Variants in CNBD1 observed in about 807,000 individuals in gnomAD.
CNBD1 encodes cyclic nucleotide binding domain containing 1, also known as cyclic nucleotide-binding domain-containing protein 1.
A neutral mutation model predicts 54.4 loss-of-function variants in CNBD1; 71 were observed. That is an observed-to-expected ratio of 1.30 (90% CI 1.08 to 1.59). The LOEUF (loss-of-function observed/expected upper bound fraction) is 1.59, where lower values mean the gene tolerates loss of function less well. Among genes scored for constraint, CNBD1 ranks in the 40% most tolerant of loss-of-function variants. The pLI is 0.00. For synonymous variants in CNBD1, 182 were observed against 170.7 expected (o/e 1.07, Z -0.51); for missense variants, 659 against 518.0 (o/e 1.27, Z -2.64).
intron 10 of CNBD1, among the ~76,000 whole-genome samples, chr8:87,360,640 A>G (rs550147449): frequency 1.3e-5 from 2 of 152,078 alleles, no homozygotes; most frequent in South Asian, 2.1e-4. Context: ...GAACAAGTGT[A>G]CTACTTTTGT....
At chr8:87,311,104 C>T (rs1294161839) in intron 8 of CNBD1, among the ~76,000 whole-genome samples, 3 of 151,782 alleles carry the variant, frequency 2.0e-5, no homozygotes, top group Non-Finnish European at 2.9e-5. Context: ...ACAAGTGGGA[C>T]CTAAATTAAA....
At chr8:87,196,079 TAATC>T (rs2130789845) in intron 4 of CNBD1, among the ~76,000 whole-genome samples, 1 of 152,294 alleles carries the variant, frequency 6.6e-6, no homozygotes, top group African/African-American at 2.4e-5. Context: ...CCACAGGACA[TAATC>T]AATCCTTTTG....
chr8:86,920,761 A>G (rs944864985), intron 3 of CNBD1, among the ~76,000 whole-genome samples: 4 of 152,210 alleles, frequency 2.6e-5, no homozygotes, highest in African/African-American at 9.6e-5. Flanking sequence ...TAAAGAGGCT[A>G]GGACATCCCA....
intron 4 of CNBD1, among the ~76,000 whole-genome samples, chr8:87,092,495 GTATA>G (rs528084126): frequency 1.4e-5 from 2 of 146,428 alleles, no homozygotes; most frequent in South Asian, 2.2e-4. Context: ...ATGTGTGTGT[GTATA>G]TATATGTGTG....
Position 86,889,737 on chromosome 8 carries a change from A to C in CNBD1, c.158+2126A>C, listed in dbSNP as rs182100585. On this transcript the variant is annotated intron_variant, in intron 2 of 10. Transcript: ENST00000518476. ...CAAATTTTTCATCCTAGTAGACTAC[A>C]AGCTCCATGAAGGCAGATTTATTTT... is the stretch of plus-strand genomic sequence containing the variant. 1.4e-3 allele frequency among the ~76,000 whole-genome samples: 207 copies of C among 152,236 alleles called. 1 individual carries two copies. The highest frequency in any genetic ancestry group is 2.4e-4 in the Non-Finnish European group (16 of 67,970).
intron 4 of CNBD1, among the ~76,000 whole-genome samples, chr8:87,063,876 T>C (rs1196783184): frequency 6.6e-6 from 1 of 152,006 alleles, no homozygotes; most frequent in Non-Finnish European, 1.5e-5. Flanking sequence ...ATAAATGATA[T>C]ATTTAAAAAT....
chr8:87,042,077 G>T (rs1810083759), intron 4 of CNBD1, among the ~76,000 whole-genome samples: 4 of 152,158 alleles, frequency 2.6e-5, no homozygotes, highest in Admixed American at 2.6e-4. Context: ...TGAATTTGGG[G>T]CCTATGCAAA....
At chr8:87,105,049 G>A (rs1021082252) in intron 4 of CNBD1, among the ~76,000 whole-genome samples, 4 of 152,016 alleles carry the variant, frequency 2.6e-5, no homozygotes, top group Non-Finnish European at 5.9e-5. Context: ...TTGATTTTAA[G>A]GATCTAAACG....
chr8:87,157,206 G>A (rs995724308), intron 4 of CNBD1, among the ~76,000 whole-genome samples: 1 of 152,098 alleles, frequency 6.6e-6, no homozygotes. Context: ...TAGATTTAAC[G>A]CTGATTAACA....
At chr8:87,188,781 T>A (rs1813536413) in intron 4 of CNBD1, among the ~76,000 whole-genome samples, 2 of 147,002 alleles carry the variant, frequency 1.4e-5, no homozygotes, top group South Asian at 4.3e-4. Flanking sequence ...AAAAAATAAG[T>A]AAATAAATAA....
chr8:87,327,014 C>T (rs1404952379), intron 8 of CNBD1, among the ~76,000 whole-genome samples: 1 of 149,350 alleles, frequency 6.7e-6, no homozygotes, highest in Non-Finnish European at 1.5e-5. Context: ...GTTAGTTTTC[C>T]TTCTAACAGA....
chr8:87,141,971 A>T (rs1010065025), intron 4 of CNBD1, among the ~76,000 whole-genome samples: 4 of 152,178 alleles, frequency 2.6e-5, no homozygotes, highest in African/African-American at 4.8e-5. Flanking sequence ...CAGTGGTTTT[A>T]AAAAGACTCC....
In CNBD1 at chr8:86,965,265, G is replaced by A. The variant is rs116427145; in HGVS notation, c.431+25511G>A. ...TAATAGGAAAGACTAAGGTCCTAGC[G>A]CGGACACCCTAATGGGCAGTCAGGG... On this transcript the variant is annotated intron_variant, in intron 4 of 10. Transcript: ENST00000518476. 9.8e-3 allele frequency among the ~76,000 whole-genome samples: 1,492 copies of A among 152,238 alleles called. 19 individuals are homozygous for A. The highest frequency in any genetic ancestry group is 0.033 in the African/African-American group (1,352 of 41,522).
chr8:86,905,617 CT>C (rs1301541699), intron 3 of CNBD1, among the ~76,000 whole-genome samples: 1 of 151,822 alleles, frequency 6.6e-6, no homozygotes, highest in African/African-American at 2.4e-5. Context: ...TTTGTGAAGC[CT>C]TTTTTACTGG....
intron 4 of CNBD1, among the ~76,000 whole-genome samples, chr8:87,154,505 A>G (rs1812673918): frequency 6.6e-6 from 1 of 152,194 alleles, no homozygotes; most frequent in Admixed American, 6.5e-5. Flanking sequence ...CATTTGTCAA[A>G]GTGTGCCTCA....
chr8:87,134,093 A>G (rs939984183), intron 4 of CNBD1, among the ~76,000 whole-genome samples: 5 of 152,206 alleles, frequency 3.3e-5, no homozygotes, highest in African/African-American at 1.2e-4. Context: ...TTACTTTTAA[A>G]TGTGTTCATA....
chr8:87,013,826 C>G (rs1195715293), intron 4 of CNBD1, among the ~76,000 whole-genome samples: 2 of 151,634 alleles, frequency 1.3e-5, no homozygotes, highest in Admixed American at 1.3e-4. Context: ...TCTGGCACAC[C>G]GAACTTTTTC....
chr8:87,279,948 G>A (rs1000427865), intron 6 of CNBD1, among the ~76,000 whole-genome samples: 1 of 151,434 alleles, frequency 6.6e-6, no homozygotes, highest in African/African-American at 2.4e-5. Context: ...CTTAGAAAGT[G>A]CATATTCATA....
chr8:87,217,784 A>C (rs1563511162), intron 5 of CNBD1, among the ~76,000 whole-genome samples: 1 of 152,056 alleles, frequency 6.6e-6, no homozygotes, highest in African/African-American at 2.4e-5. Context: ...TATACTAGAA[A>C]TCTTGAAAAG....
Sources: gnomAD v4.1 joint callset for allele counts (sites outside exome capture counted in the v4.1 genomes callset) on GRCh38, gnomAD v4.1.1 for gene constraint, MANE v1.5 for transcripts, NCBI Gene and HGNC (gene_info 2026-07-23, HGNC 2026-07-21) for gene names.